The following ARHGAP15 variants were observed in gnomAD, a reference collection of about 807,000 sequenced individuals.
ARHGAP15 encodes the protein rho GTPase-activating protein 15.
A neutral mutation model predicts 63.7 loss-of-function variants in ARHGAP15; 51 were observed. That is an observed-to-expected ratio of 0.80 (90% CI 0.64 to 1.01). The LOEUF (loss-of-function observed/expected upper bound fraction) is 1.01, where lower values mean the gene tolerates loss of function less well. Among genes scored for constraint, ARHGAP15 ranks in the 50% least tolerant of loss-of-function variants. The pLI is 0.00. For missense variants in ARHGAP15, 560 were observed against 564.6 expected, an observed-to-expected ratio of 0.99 and a Z score of 0.08; for synonymous variants, 191 against 193.8, an observed-to-expected ratio of 0.99 and a Z score of 0.12.
intron 6 of ARHGAP15, among the ~76,000 whole-genome samples, chr2:143,367,476 T>G (rs187844161): frequency 6.6e-6 from 1 of 152,202 alleles, no homozygotes; most frequent in Admixed American, 6.5e-5. Flanking sequence ...CTCTTCCTTA[T>G]TCCTGATTAT....
chr2:143,572,602 AG>A (rs1012904689), intron 11 of ARHGAP15, among the ~76,000 whole-genome samples: 1 of 152,170 alleles, frequency 6.6e-6, no homozygotes, highest in African/African-American at 2.4e-5. Context: ...TCTCTACATA[AG>A]GTATTTTCAA....
chr2:143,146,055 G>C (rs1035988492), intron 1 of ARHGAP15, among the ~76,000 whole-genome samples: 2 of 151,100 alleles, frequency 1.3e-5, no homozygotes, highest in African/African-American at 4.9e-5. Context: ...ATTAAGCAAG[G>C]GTCTCTTAAG....
chr2:143,328,795 A>G (rs1684375018), intron 6 of ARHGAP15, among the ~76,000 whole-genome samples: 1 of 152,232 alleles, frequency 6.6e-6, no homozygotes, highest in African/African-American at 2.4e-5. Flanking sequence ...ATAGTCAACA[A>G]TAATTTATTG....
chr2:143,700,253 T>C (rs2105414921), intron 12 of ARHGAP15, among the ~76,000 whole-genome samples: 1 of 152,306 alleles, frequency 6.6e-6, no homozygotes, highest in South Asian at 2.1e-4. Flanking sequence ...TGACTATGTC[T>C]TAATTCCTGC....
intron 8 of ARHGAP15, 146 bp from the exon 9 acceptor site, chr2:143,487,227 C>T (rs1692364000): frequency 4.5e-6 from 4 of 880,840 alleles, no homozygotes; most frequent in East Asian, 2.6e-5. Flanking sequence ...GCAAATTTTA[C>T]TCACATGGCT....
chr2:143,606,304 A>G (rs557877415), intron 11 of ARHGAP15, among the ~76,000 whole-genome samples: 9 of 152,124 alleles, frequency 5.9e-5, no homozygotes, highest in African/African-American at 2.2e-4. Flanking sequence ...TTGAACTTCC[A>G]TTTACTATCT....
At chr2:143,142,071 T>C (rs546948355) in intron 1 of ARHGAP15, among the ~76,000 whole-genome samples, 2 of 152,132 alleles carry the variant, frequency 1.3e-5, no homozygotes, top group African/African-American at 4.8e-5. Flanking sequence ...AGAAGACATA[T>C]AGACATACTT....
intron 6 of ARHGAP15, among the ~76,000 whole-genome samples, chr2:143,284,928 T>G (rs962433448): frequency 2.0e-5 from 3 of 152,176 alleles, no homozygotes; most frequent in Admixed American, 6.6e-5. Flanking sequence ...TTTGTTCTGT[T>G]TTTTTGAAAG....
chr2:143,246,212 T>C (rs1465747360), intron 5 of ARHGAP15, among the ~76,000 whole-genome samples: 1 of 151,900 alleles, frequency 6.6e-6, no homozygotes, highest in Non-Finnish European at 1.5e-5. Context: ...GGTTTCTTCA[T>C]GTATAAGTTG....
chr2:143,227,039 T>A (rs1328042883), intron 4 of ARHGAP15, among the ~76,000 whole-genome samples: 1 of 152,140 alleles, frequency 6.6e-6, no homozygotes, highest in African/African-American at 2.4e-5. Context: ...TAAAAAAAAA[T>A]CACTTTTGTG....
intron 6 of ARHGAP15, among the ~76,000 whole-genome samples, chr2:143,312,851 A>G (rs147531235): frequency 5.4e-4 from 82 of 152,320 alleles, no homozygotes; most frequent in African/African-American, 1.7e-3. Context: ...AATATCAACT[A>G]TATACAAATA....
At chr2:143,485,790 C>T (rs1471418093) in intron 8 of ARHGAP15, among the ~76,000 whole-genome samples, 1 of 152,060 alleles carries the variant, frequency 6.6e-6, no homozygotes, top group Admixed American at 6.6e-5. Flanking sequence ...GTCAATAGTA[C>T]AAAATTTGGG....
At chr2:143,276,288 A>G (rs1445401215) in intron 6 of ARHGAP15, among the ~76,000 whole-genome samples, 4 of 152,136 alleles carry the variant, frequency 2.6e-5, no homozygotes. Flanking sequence ...CACGTGTATC[A>G]TTTCTACTCT....
At chr2:143,689,118 T>G (rs1683479914) in intron 12 of ARHGAP15, among the ~76,000 whole-genome samples, 1 of 152,168 alleles carries the variant, frequency 6.6e-6, no homozygotes, top group South Asian at 2.1e-4. Flanking sequence ...TTTCTCATCA[T>G]TTTTTATGTC....
intron 11 of ARHGAP15, among the ~76,000 whole-genome samples, chr2:143,618,648 G>T (rs1698533377): frequency 6.6e-6 from 1 of 152,032 alleles, no homozygotes; most frequent in Non-Finnish European, 1.5e-5. Context: ...AACACATGAA[G>T]AAGATTTTCT....
At chr2:143,327,625 TTAACA>T (rs1338125917) in intron 6 of ARHGAP15, among the ~76,000 whole-genome samples, 1 of 152,118 alleles carries the variant, frequency 6.6e-6, no homozygotes, top group Non-Finnish European at 1.5e-5. Flanking sequence ...GATTAAAGAC[TTAACA>T]TAAGACCTAA....
chr2:143,705,256 A>G (rs895111832), intron 13 of ARHGAP15, among the ~76,000 whole-genome samples: 2 of 152,154 alleles, frequency 1.3e-5, no homozygotes, highest in African/African-American at 4.8e-5. Flanking sequence ...ACTTTATCTT[A>G]AAGTTCAGAA....
intron 12 of ARHGAP15, among the ~76,000 whole-genome samples, chr2:143,651,479 T>C (rs1010413391): frequency 6.6e-5 from 10 of 151,994 alleles, no homozygotes; most frequent in African/African-American, 2.4e-4. Flanking sequence ...TACTTGTTGA[T>C]AGACATTTGG....
At chr2:143,430,024 T>A (rs965869292) in intron 6 of ARHGAP15, among the ~76,000 whole-genome samples, 6 of 152,110 alleles carry the variant, frequency 3.9e-5, no homozygotes, top group African/African-American at 1.4e-4. Context: ...GGATCCCTAG[T>A]GGCTTGTTCC....
Sources: allele counts gnomAD v4.1 joint callset (sites outside exome capture counted in the v4.1 genomes callset), GRCh38; gene constraint gnomAD v4.1.1; transcripts MANE v1.5; gene names NCBI Gene and HGNC (gene_info 2026-07-23, HGNC 2026-07-21).